APLF: variants seen among roughly 807,000 people sequenced by gnomAD.
The protein encoded by APLF is aprataxin and PNK-like factor.
Under a neutral mutation model 55.6 loss-of-function variants are expected in APLF, and 61 were observed. That is an observed-to-expected ratio of 1.10 (90% confidence interval 0.89 to 1.36). APLF has a LOEUF of 1.36. Ranked by LOEUF, APLF falls within the 40% of genes most tolerant of loss-of-function variation. The pLI is 0.00. For missense variants in APLF, 611 were observed against 602.5 expected, an observed-to-expected ratio of 1.01 and a Z score of -0.15; for synonymous variants, 207 against 214.8, an observed-to-expected ratio of 0.96 and a Z score of 0.32.
At chr2:68,499,548 A>G (rs976420316) in intron 2 of APLF, among the ~76,000 whole-genome samples, 4 of 152,204 alleles carry the variant, frequency 2.6e-5, no homozygotes, top group African/African-American at 9.6e-5. Context: ...TAATAATTAA[A>G]TACTCTCAAG....
Position 68,579,890 on chromosome 2 carries a change from T to A in APLF, c.*1868T>A. 1 of 393,436 alleles carries A rather than the reference T, an allele frequency of 2.5e-6. No homozygotes were observed. Among genetic ancestry groups the A allele is most frequent in the Non-Finnish European group, 3.5e-6 (1 of 289,104 alleles). 24.4% of individuals were successfully genotyped at this position (393,436 alleles called of 1,614,324 possible). A position where few individuals can be genotyped will look rare whatever the true frequency, so the allele number is the denominator to read the frequency against. On this transcript the variant is annotated 3_prime_UTR_variant, in exon 10 of 10. Coordinates refer to ENST00000303795, the MANE Select transcript of APLF (RefSeq NM_173545.3). The stretch of plus-strand genomic sequence containing the variant: ...TGATGGTTGCACAACTCTGTAAATA[T>A]ATTACAAACAATGCATTGTACACTT...
intron 8 of APLF, among the ~76,000 whole-genome samples, chr2:68,550,233 C>A (rs1670818181): frequency 6.6e-6 from 1 of 151,878 alleles, no homozygotes; most frequent in Admixed American, 6.6e-5. Context: ...AATACTTAGT[C>A]CATTTACATT....
At chr2:68,474,453 G>T (rs1260946649) in intron 1 of APLF, among the ~76,000 whole-genome samples, 1 of 152,168 alleles carries the variant, frequency 6.6e-6, no homozygotes, top group Non-Finnish European at 1.5e-5. Flanking sequence ...CATACAAAAA[G>T]ACATCACTTG....
chr2:68,578,073 G>A lies in APLF; in HGVS notation c.*51G>A. On this transcript the variant is annotated 3_prime_UTR_variant, in exon 10 of 10. Transcript: ENST00000303795. ...CCTTACATTTACTTTTTCTTTGTGG[G>A]AAAACATTTATGAACTAAGGAGGTA... 6.4e-7 allele frequency: 1 copy of A among 1,564,946 alleles called. No individual in the cohort carries two copies. The highest frequency in any genetic ancestry group is 1.2e-5 in the South Asian group (1 of 84,164).
At chr2:68,572,095 C>CATGAAATT (rs1558557631) in intron 9 of APLF, among the ~76,000 whole-genome samples, 13 of 151,984 alleles carry the variant, frequency 8.6e-5, no homozygotes, top group African/African-American at 3.1e-4. Context: ...AGAAAGAAAA[C>CATGAAATT]TATTAAGGAG....
intron 3 of APLF, among the ~76,000 whole-genome samples, chr2:68,511,657 A>G (rs1677053972): frequency 6.6e-6 from 1 of 151,722 alleles, no homozygotes; most frequent in African/African-American, 2.4e-5. Flanking sequence ...AAATATTAAG[A>G]AAACTTGAAA....
intron 8 of APLF, among the ~76,000 whole-genome samples, chr2:68,557,241 T>C (rs778971378): frequency 2.6e-5 from 4 of 151,944 alleles, no homozygotes; most frequent in Non-Finnish European, 5.9e-5. Context: ...AAATACCTAA[T>C]AAAATGTAAA....
chr2:68,577,664 G>A (rs531564440), intron 9 of APLF, among the ~76,000 whole-genome samples, 156 bp from the exon 10 acceptor site: 46 of 152,200 alleles, frequency 3.0e-4, no homozygotes, highest in African/African-American at 1.1e-3. Context: ...AAATAACAAA[G>A]CATCATTTTA....
In APLF at chr2:68,467,774, CG is replaced by C. The variant is rs956131106; in HGVS notation, c.46del (p.Val16TrpfsTer9). 8.1e-7 allele frequency: 1 copy of C among 1,234,486 alleles called. No homozygotes were observed. Among genetic ancestry groups the C allele is most frequent in the African/African-American group, 1.5e-5 (1 of 64,560 alleles). 76.5% of individuals were successfully genotyped at this position (1,234,486 alleles called of 1,614,324 possible). On this transcript the variant is annotated frameshift_variant, in exon 1 of 10. Coordinates refer to ENST00000303795, the MANE Select transcript of APLF (RefSeq NM_173545.3). LOFTEE classifies it high-confidence loss of function. The part of the protein sequence containing the change: ...FELQPRDGGP[R>X]VALAPGETVI... ...GCTGCAGCCGCGGGACGGCGGTCCC[CG>C]GGTGGCCCTGGCGCCCGGGGAGACG...
chr2:68,533,348 A>C (rs543753172), intron 6 of APLF, among the ~76,000 whole-genome samples: 2 of 152,336 alleles, frequency 1.3e-5, no homozygotes, highest in South Asian at 2.1e-4. Context: ...ATTATATTAT[A>C]ATCTAATGAG....
chr2:68,514,074 TTTGCTG>T (rs1400580225), intron 5 of APLF, among the ~76,000 whole-genome samples: 2 of 151,780 alleles, frequency 1.3e-5, no homozygotes, highest in Non-Finnish European at 2.9e-5. Context: ...CCATCTCTAA[TTTGCTG>T]TTAAGTCTAT....
At chr2:68,517,549 A>G (rs1018968680) in intron 5 of APLF, among the ~76,000 whole-genome samples, 13 of 142,948 alleles carry the variant, frequency 9.1e-5, no homozygotes, top group Admixed American at 5.0e-4. Context: ...ATATGTCAAT[A>G]TATGTTAATA....
rs552027888 is a variant in APLF, at chr2:68,513,112, T to G, written c.374T>G (p.Leu125Trp). The change falls in exon 4 of 10, where the codon TTG becomes TGG. Residue 125 changes from leucine (L) to tryptophan (W), a missense_variant. By Grantham distance (61) the Leu-to-Trp change is moderately conservative. Transcript: ENST00000303795. The part of the protein sequence containing the change: ...NSQVLDEDNI[L>W]NETPKSPVIN... ...CAAGTGCTTGATGAAGATAATATAT[T>G]GAATGAAACACCAAAATCCCCCGTG... The G allele has an allele frequency of 2.2e-5, 36 of 1,610,292 alleles. No individual in the cohort carries two copies. The highest frequency in any genetic ancestry group is 3.0e-5 in the Non-Finnish European group (35 of 1,177,758).
At chr2:68,485,415 C>T (rs1460748786) in intron 1 of APLF, among the ~76,000 whole-genome samples, 1 of 152,016 alleles carries the variant, frequency 6.6e-6, no homozygotes, top group Non-Finnish European at 1.5e-5. Flanking sequence ...ATTCAGAGTA[C>T]CACATTAGGA....
Position 68,490,260 on chromosome 2 carries a change from C to T in APLF, c.167C>T (p.Pro56Leu), listed in dbSNP as rs533604290. Residue 56 changes from proline to leucine, a missense_variant and splice_region_variant, in exon 2 of 10, where the codon CCG (proline) becomes CTG (leucine). Physicochemically the swap from Pro to Leu is moderately conservative, Grantham distance 98. Transcript: ENST00000303795. ...GCAGGTGGTCAGCTGCGAATCAAACCGGTAAATATGTTATTAATGATTCAT... is the reference window on the plus strand; with the variant it reads ...GCAGGTGGTCAGCTGCGAATCAAACTGGTAAATATGTTATTAATGATTCAT... ...EVAGGQLRIK[P>L]IHTNPCFYQS... 7 of 1,610,686 alleles carry T rather than the reference C, an allele frequency of 4.3e-6. No individual in the cohort carries two copies. Among genetic ancestry groups the T allele is most frequent in the African/African-American group, 2.7e-5 (2 of 74,832 alleles).
chr2:68,508,061 C>T (rs1676925769), intron 3 of APLF, among the ~76,000 whole-genome samples: 3 of 151,504 alleles, frequency 2.0e-5, no homozygotes, highest in African/African-American at 7.3e-5. Flanking sequence ...CCAGCTCATT[C>T]ATAATAGTAG....
At chr2:68,518,054 T>C (rs1669691402) in intron 5 of APLF, among the ~76,000 whole-genome samples, 1 of 135,808 alleles carries the variant, frequency 7.4e-6, no homozygotes, top group African/African-American at 2.7e-5. Context: ...TAATATATCA[T>C]TAATATATAA....
At chr2:68,573,429 T>C (rs750857326) in intron 9 of APLF, among the ~76,000 whole-genome samples, 1 of 152,140 alleles carries the variant, frequency 6.6e-6, no homozygotes, top group Non-Finnish European at 1.5e-5. Flanking sequence ...TCCTAGCACT[T>C]TGGGGGGCCG....
At chr2:68,570,726 C>A (rs1671436007) in intron 9 of APLF, among the ~76,000 whole-genome samples, 1 of 152,098 alleles carries the variant, frequency 6.6e-6, no homozygotes, top group Admixed American at 6.5e-5. Flanking sequence ...CAAGTCTTTG[C>A]TATTGTGAGT....
Sources: gnomAD v4.1 joint callset for allele counts (sites outside exome capture counted in the v4.1 genomes callset) on GRCh38, gnomAD v4.1.1 for gene constraint, MANE v1.5 for transcripts, NCBI Gene and HGNC (gene_info 2026-07-23, HGNC 2026-07-21) for gene names.